Variants in MANBA observed in about 807,000 individuals in gnomAD.
MANBA encodes mannosidase beta.
In MANBA, 83 loss-of-function variants were observed where a neutral mutation model predicts 111.1. The ratio of observed to expected loss-of-function variants is 0.75; its 90% CI spans 0.63 to 0.90. The LOEUF (loss-of-function observed/expected upper bound fraction) is 0.90, where lower values mean the gene tolerates loss of function less well. Ranked by LOEUF, MANBA falls within the 40% of genes least tolerant of loss-of-function variation. The pLI is 0.00. For missense variants in MANBA, 1,036 were observed against 1,069.0 expected (o/e 0.97, Z 0.43); for synonymous variants, 370 against 378.7 (o/e 0.98, Z 0.27).
At chr4:102,702,866 G>T (rs1201515976) in intron 5 of MANBA, among the ~76,000 whole-genome samples, 1 of 152,162 alleles carries the variant, frequency 6.6e-6, no homozygotes, top group Non-Finnish European at 1.5e-5. Flanking sequence ...AAAGATGACA[G>T]TATCTCTTTC....
intron 1 of MANBA, chr4:102,730,245 G>T: frequency 1.8e-6 from 1 of 567,252 alleles, no homozygotes; most frequent in South Asian, 2.5e-5. Flanking sequence ...GCTGCTTCTT[G>T]GTCTTTTCAG....
Position 102,632,100 on chromosome 4 carries a change from A to G in MANBA, c.2597T>C (p.Leu866Ser). 6.2e-7 allele frequency: 1 copy of G among 1,612,174 alleles called. No individual in the cohort carries two copies. Among genetic ancestry groups the G allele is most frequent in the Non-Finnish European group, 8.5e-7 (1 of 1,178,984 alleles). ...GGAGGTCACATGAAAAGATTGCTCCAACTCATTCTTGCTGGTGGGCTCCCA... is the reference window on the plus strand; with the variant it reads ...GGAGGTCACATGAAAAGATTGCTCCGACTCATTCTTGCTGGTGGGCTCCCA... ...YPWEPTSKNE[L>S]EQSFHVTSLT... is the part of the protein sequence containing the mutation. Residue 866 changes from leucine (L) to serine (S), a missense_variant, in exon 17 of 17, where the codon TTG becomes TCG. Leu to Ser is a moderately radical substitution (Grantham distance 145). Coordinates refer to ENST00000647097, the MANE Select transcript of MANBA (RefSeq NM_005908.4).
intron 7 of MANBA, among the ~76,000 whole-genome samples, chr4:102,683,649 C>G (rs1188389993): frequency 2.0e-5 from 3 of 151,960 alleles, no homozygotes; most frequent in Non-Finnish European, 4.4e-5. Flanking sequence ...TTCCATTTAC[C>G]CAGAGTATCC....
intron 5 of MANBA, among the ~76,000 whole-genome samples, chr4:102,694,659 T>C (rs886336521): frequency 6.6e-5 from 10 of 152,180 alleles, no homozygotes; most frequent in African/African-American, 2.4e-4. Flanking sequence ...GAAAGAAGGA[T>C]TGCTACATCT....
At chr4:102,711,862 T>C (rs1316473081) in intron 5 of MANBA, among the ~76,000 whole-genome samples, 1 of 152,206 alleles carries the variant, frequency 6.6e-6, no homozygotes, top group East Asian at 1.9e-4. Flanking sequence ...AAAATGTTGA[T>C]CTCATGGAGG....
At chr4:102,733,656 G>A (rs535327885) in intron 1 of MANBA, among the ~76,000 whole-genome samples, 1 of 152,298 alleles carries the variant, frequency 6.6e-6, no homozygotes, top group African/African-American at 2.4e-5. Flanking sequence ...CCACCACACT[G>A]GCCGGTTCTC....
At chr4:102,651,934 CTCT>C (rs1207860288) in intron 12 of MANBA, among the ~76,000 whole-genome samples, 4 of 147,744 alleles carry the variant, frequency 2.7e-5, no homozygotes, top group Non-Finnish European at 4.5e-5. Context: ...ACGCTTCCTC[CTCT>C]TAATTTATTT....
At chr4:102,642,333 C>T (rs915531498) in intron 13 of MANBA, among the ~76,000 whole-genome samples, 1 of 152,130 alleles carries the variant, frequency 6.6e-6, no homozygotes, top group Non-Finnish European at 1.5e-5. Context: ...TTTGGCTGGG[C>T]GCGATAGCTC....
rs1393886471 is a variant in MANBA at position 102,730,117 on chromosome 4, C to A, written c.178-3434G>T. 2.0e-5 allele frequency: 24 copies of A among 1,179,172 alleles called. No individual in the cohort carries two copies. The East Asian group carries it at 5.2e-4, about 26-fold the overall frequency. The allele number at this position is 1,179,172 out of a possible 1,614,324, so 73.0% of individuals were successfully genotyped here. On this transcript the variant is annotated intron_variant, in intron 1 of 16. Coordinates refer to ENST00000647097, the MANE Select transcript of MANBA (RefSeq NM_005908.4). ...CTTGTGTAGGAGTGGCTGCTGAAGG[C>A]CCGGGGCCCAGAGGTGGACACCTTG...
At chr4:102,755,366 A>G (rs1387575418) in intron 1 of MANBA, among the ~76,000 whole-genome samples, 2 of 152,156 alleles carry the variant, frequency 1.3e-5, no homozygotes, top group Non-Finnish European at 2.9e-5. Flanking sequence ...AACAAGAAAT[A>G]GGGAAAGGAT....
In MANBA at chr4:102,709,394, GAAAGAAAAA is replaced by G. The variant is rs1254594235; in HGVS notation, c.673+5035_673+5043del. ...AGAAAGGAAGGAAGGAAGAAAGAAAGAAAGAAAAAAAAGAAAGAAAGAAAGAGAAAGAGA... is the reference window on the plus strand; with the variant it reads ...AGAAAGGAAGGAAGGAAGAAAGAAAGAAAGAAAGAAAGAAAGAGAAAGAGA... On this transcript the variant is annotated intron_variant, in intron 5 of 16. Coordinates refer to ENST00000647097, the MANE Select transcript of MANBA (RefSeq NM_005908.4). Among the ~76,000 whole-genome samples, 30 of 90,442 alleles carry G rather than the reference GAAAGAAAAA, an allele frequency of 3.3e-4. 1 individual carries two copies. The highest frequency in any genetic ancestry group is 5.7e-4 in the African/African-American group (16 of 28,280). 59.3% of individuals were successfully genotyped at this position (90,442 alleles called of 152,430 possible).
rs1328400408 is a variant in MANBA, at chr4:102,751,786, G to C, written c.177+8932C>G. 1.5e-5 allele frequency: 8 copies of C among 520,740 alleles called. No individual in the cohort carries two copies. The Admixed American group carries it at 1.6e-4, about 11-fold the overall frequency. 32.3% of individuals were successfully genotyped at this position (520,740 alleles called of 1,614,324 possible). ...ACCTCTCAAATCCGGTCCTTGGAAA[G>C]AAAGTCAATAATGACAATTGTTGGA... On this transcript the variant is annotated intron_variant, in intron 1 of 16. Transcript: ENST00000647097.
intron 14 of MANBA, among the ~76,000 whole-genome samples, chr4:102,637,874 T>C (rs1296958514): frequency 2.0e-5 from 3 of 152,208 alleles, no homozygotes; most frequent in Non-Finnish European, 2.9e-5. Flanking sequence ...AGCTTGAAGC[T>C]GGTCAGTCAG....
At chr4:102,635,789 AAAG>A in intron 15 of MANBA, 73 bp downstream of exon 15, 1 of 1,456,196 alleles carries the variant, frequency 6.9e-7, no homozygotes, top group Non-Finnish European at 9.6e-7. Context: ...TATTTTCCCA[AAAG>A]AATGTAACCA....
At position 102,730,400 on chromosome 4, in the gene MANBA, C is replaced by T. The variant is rs531689604; in HGVS notation, c.178-3717G>A. The T allele has an allele frequency of 3.1e-5, 15 of 478,498 alleles. No individual in the cohort carries two copies. The East Asian group carries it at 6.3e-4, about 20-fold the overall frequency. The allele number at this position is 478,498 out of a possible 1,614,324, so 29.6% of individuals were successfully genotyped here. A position where few individuals can be genotyped will look rare whatever the true frequency, so the allele number is the denominator to read the frequency against. ...TTAGTGTAGCAAGTCGGCAACCTTG[C>T]TGTGGCACCTAGATAAGGGTTCAGG... On this transcript the variant is annotated intron_variant, in intron 1 of 16. Transcript: ENST00000647097.
chr4:102,760,835 C>T lies in MANBA; in HGVS notation c.60G>A (p.Glu20=). 6.4e-7 allele frequency: 1 copy of T among 1,570,024 alleles called. No individual in the cohort carries two copies. Among genetic ancestry groups the T allele is most frequent in the Non-Finnish European group, 8.6e-7 (1 of 1,158,110 alleles). ...ALCGAGTTAA[E]LSYSLRGNWS... is the part of the protein sequence containing the mutation. ...AGTTGCCACGCAAGCTGTAACTGAG[C>T]TCCGCGGCGGTGGTGCCTGCACCGC... The change falls in exon 1 of 17, where the codon GAG becomes GAA. Residue 20 remains glutamate, a synonymous_variant. Transcript: ENST00000647097.
intron 1 of MANBA, among the ~76,000 whole-genome samples, chr4:102,742,030 C>G: frequency 6.6e-6 from 1 of 152,284 alleles, no homozygotes; most frequent in East Asian, 1.9e-4. Flanking sequence ...CATGGTAATA[C>G]TATGAGACAC....
intron 5 of MANBA, among the ~76,000 whole-genome samples, chr4:102,707,695 A>C (rs547095524): frequency 1.3e-5 from 2 of 152,308 alleles, no homozygotes; most frequent in South Asian, 2.1e-4. Flanking sequence ...TAAACTTTCC[A>C]CTTAAAAGAT....
intron 1 of MANBA, among the ~76,000 whole-genome samples, chr4:102,758,951 G>A (rs972995559): frequency 1.3e-5 from 2 of 152,124 alleles, no homozygotes; most frequent in Non-Finnish European, 2.9e-5. Context: ...AATTTATGAA[G>A]AGAGTTAAGA....
Sources: gnomAD v4.1 joint callset for allele counts (sites outside exome capture counted in the v4.1 genomes callset) on GRCh38, gnomAD v4.1.1 for gene constraint, MANE v1.5 for transcripts, NCBI Gene and HGNC (gene_info 2026-07-23, HGNC 2026-07-21) for gene names.